Variants in TAS2R1 observed in about 807,000 individuals in gnomAD.
The protein encoded by TAS2R1 is taste 2 receptor member 1, also known as taste receptor type 2 member 1.
For missense variants in TAS2R1, 370 were observed against 353.4 expected, an observed-to-expected ratio of 1.05 and a Z score of -0.38; for synonymous variants, 141 against 134.2, an observed-to-expected ratio of 1.05 and a Z score of -0.35.
At chr5:9,881,678 G>C in the TAS2R1 span, among the ~76,000 whole-genome samples, 14 of 152,176 alleles carry the variant, frequency 9.2e-5, no homozygotes, top group African/African-American at 3.4e-4. Context: ...CAATGGAACA[G>C]AATAGAGATC....
At chr5:9,731,065 C>T in the TAS2R1 span, among the ~76,000 whole-genome samples, 7 of 152,108 alleles carry the variant, frequency 4.6e-5, no homozygotes, top group East Asian at 1.9e-4. Flanking sequence ...GACTGAAATC[C>T]GCTGTCCCCC....
At position 9,628,946 on chromosome 5, in the gene TAS2R1, C is replaced by A; in HGVS notation, c.*187G>T. 1.9e-6 allele frequency: 1 copy of A among 513,990 alleles called. No individual in the cohort carries two copies. The highest frequency in any genetic ancestry group is 3.3e-6 in the Non-Finnish European group (1 of 305,828). The allele number at this position is 513,990 out of a possible 1,614,324, so 31.8% of individuals were successfully genotyped here. Reference sequence around the variant, plus strand: ...ATGTAATCCATCAACATATGTTGTGCTTTCAAAATCAGTTTAACTGCTTGA... The same window carrying A: ...ATGTAATCCATCAACATATGTTGTGATTTCAAAATCAGTTTAACTGCTTGA... On this transcript the variant is annotated 3_prime_UTR_variant, in exon 1 of 1. Transcript: ENST00000382492.
At chr5:9,644,044 G>A (rs1740139684) in intron 2 of TAS2R1, among the ~76,000 whole-genome samples, 1 of 152,136 alleles carries the variant, frequency 6.6e-6, no homozygotes, top group Non-Finnish European at 1.5e-5. Flanking sequence ...AATGTGTGGG[G>A]CAGTATGAAT....
At chr5:9,739,430 A>G in the TAS2R1 span, among the ~76,000 whole-genome samples, 3 of 152,128 alleles carry the variant, frequency 2.0e-5, no homozygotes, top group African/African-American at 7.2e-5. Flanking sequence ...TACATTCCAG[A>G]CTCACTCATT....
intron 1 of TAS2R1, chr5:9,712,041 A>C (rs910549863): frequency 2.0e-4 from 1 of 4,888 alleles, no homozygotes; most frequent in African/African-American, 6.9e-4. Flanking sequence ...GGAGGGAGGG[A>C]GGGAGGGAGG....
the TAS2R1 span, among the ~76,000 whole-genome samples, chr5:9,860,770 T>C: frequency 6.6e-6 from 1 of 152,320 alleles, no homozygotes; most frequent in South Asian, 2.1e-4. Context: ...GAGAGCTCCA[T>C]GTCATGTCTC....
the TAS2R1 span, among the ~76,000 whole-genome samples, chr5:9,731,489 A>T: frequency 6.6e-6 from 1 of 151,888 alleles, no homozygotes; most frequent in East Asian, 1.9e-4. Context: ...ATCACAACGG[A>T]TTCCCCTCTC....
the TAS2R1 span, among the ~76,000 whole-genome samples, chr5:9,764,812 G>T: frequency 1.4e-4 from 22 of 152,240 alleles, no homozygotes; most frequent in East Asian, 3.9e-3. Context: ...TTTGACCAAG[G>T]TTTATGTATA....
At chr5:9,710,364 C>T (rs2126532486) in intron 1 of TAS2R1, among the ~76,000 whole-genome samples, 1 of 152,364 alleles carries the variant, frequency 6.6e-6, no homozygotes, top group South Asian at 2.1e-4. Flanking sequence ...TCATTGAGTG[C>T]CCTCCACTCT....
the TAS2R1 span, among the ~76,000 whole-genome samples, chr5:9,823,598 G>A: frequency 1.1e-4 from 15 of 140,180 alleles, no homozygotes; most frequent in East Asian, 2.1e-4. Flanking sequence ...AGGAGGGGAG[G>A]GGAAAGGACA....
the TAS2R1 span, among the ~76,000 whole-genome samples, chr5:9,830,155 A>C: frequency 6.8e-6 from 1 of 147,970 alleles, no homozygotes; most frequent in Admixed American, 6.8e-5. Context: ...TTACTGGATA[A>C]AAACAGGAGC....
the TAS2R1 span, among the ~76,000 whole-genome samples, chr5:9,848,663 A>G: frequency 7.9e-3 from 1,198 of 152,334 alleles, 11 homozygotes; most frequent in Admixed American, 0.014. Context: ...TCATTTTCCA[A>G]TGTCTACATA....
intron 1 of TAS2R1, among the ~76,000 whole-genome samples, chr5:9,675,105 CAT>C (rs10580967): frequency 0.38 from 55,063 of 145,902 alleles, 10,298 homozygotes; most frequent in South Asian, 0.46. Context: ...AAAATGAAAT[CAT>C]ATATATATAT....
At chr5:9,866,399 CCTT>C in the TAS2R1 span, among the ~76,000 whole-genome samples, 11 of 152,192 alleles carry the variant, frequency 7.2e-5, no homozygotes, top group African/African-American at 2.4e-4. Flanking sequence ...TTTGGACAAA[CCTT>C]ATTTTTTTGT....
chr5:9,864,650 G>A, the TAS2R1 span, among the ~76,000 whole-genome samples: 2 of 149,000 alleles, frequency 1.3e-5, no homozygotes, highest in Non-Finnish European at 1.5e-5. Flanking sequence ...AAAAAAAGAA[G>A]GTGAAGTAGC....
the TAS2R1 span, among the ~76,000 whole-genome samples, chr5:9,731,581 G>T: frequency 6.6e-6 from 1 of 152,184 alleles, no homozygotes; most frequent in Non-Finnish European, 1.5e-5. Flanking sequence ...CACACCTGCA[G>T]TTTCCTCTTT....
intron 2 of TAS2R1, among the ~76,000 whole-genome samples, chr5:9,646,254 CTTAG>C (rs1208071738): frequency 1.3e-5 from 2 of 152,128 alleles, no homozygotes; most frequent in African/African-American, 2.4e-5. Context: ...TTTTCCATCA[CTTAG>C]TTACTCTGAC....
At chr5:9,684,335 G>T (rs1395470977) in intron 1 of TAS2R1, among the ~76,000 whole-genome samples, 1 of 152,162 alleles carries the variant, frequency 6.6e-6, no homozygotes. Flanking sequence ...CTCATATGTG[G>T]GAGCTGAAAA....
At chr5:9,709,340 T>C (rs1217349558) in intron 1 of TAS2R1, among the ~76,000 whole-genome samples, 1 of 152,154 alleles carries the variant, frequency 6.6e-6, no homozygotes. Flanking sequence ...TTCTAATTGC[T>C]GCATTCCCCA....
Sources: allele counts gnomAD v4.1 joint callset (sites outside exome capture counted in the v4.1 genomes callset), GRCh38; gene constraint gnomAD v4.1.1; transcripts MANE v1.5; gene names NCBI Gene and HGNC (gene_info 2026-07-23, HGNC 2026-07-21).